PDE1A: variants seen among roughly 807,000 people sequenced by gnomAD.
PDE1A encodes dual specificity calcium/calmodulin-dependent 3',5'-cyclic nucleotide phosphodiesterase 1A.
Under a neutral mutation model 61.7 loss-of-function variants are expected in PDE1A, and 35 were observed. The observed-to-expected ratio is 0.57, with a 90% CI of 0.43 to 0.75. The LOEUF (loss-of-function observed/expected upper bound fraction) is 0.75, where lower values mean the gene tolerates loss of function less well. PDE1A is among the 30% of genes least tolerant of loss of function. The pLI is 0.00. For synonymous variants in PDE1A, 232 were observed against 213.2 expected (o/e 1.09, Z -0.77); for missense variants, 597 against 630.6 (o/e 0.95, Z 0.57).
chr2:182,210,673 A>C (rs1394076722), intron 7 of PDE1A, among the ~76,000 whole-genome samples: 2 of 152,078 alleles, frequency 1.3e-5, no homozygotes, highest in Non-Finnish European at 2.9e-5. Flanking sequence ...CAACTTATCA[A>C]TTTATTATTT....
intron 1 of PDE1A, among the ~76,000 whole-genome samples, chr2:182,317,358 C>T (rs553330870): frequency 7.9e-5 from 12 of 151,964 alleles, no homozygotes; most frequent in South Asian, 2.1e-4. Context: ...CTACCATCAT[C>T]CACCTTAAAG....
intron 1 of PDE1A, among the ~76,000 whole-genome samples, chr2:182,376,889 T>G (rs1039096506): frequency 6.6e-6 from 1 of 152,138 alleles, no homozygotes; most frequent in African/African-American, 2.4e-5. Flanking sequence ...GATACAAAAG[T>G]GGAAACACCT....
At chr2:182,271,220 T>A (rs1167864657) in intron 1 of PDE1A, among the ~76,000 whole-genome samples, 1 of 149,360 alleles carries the variant, frequency 6.7e-6, no homozygotes, top group Non-Finnish European at 1.5e-5. Flanking sequence ...TGTGAAATGA[T>A]GGATATGTTA....
chr2:182,659,787 T>A, the PDE1A span, among the ~76,000 whole-genome samples: 1 of 152,196 alleles, frequency 6.6e-6, no homozygotes, highest in African/African-American at 2.4e-5. Flanking sequence ...TTGTAAACTA[T>A]AAATGTAGGT....
chr2:182,625,490 C>G, the PDE1A span, among the ~76,000 whole-genome samples: 1 of 152,162 alleles, frequency 6.6e-6, no homozygotes, highest in Non-Finnish European at 1.5e-5. Context: ...GGGCACTTGC[C>G]TACATGCAGA....
At chr2:182,642,606 GGTT>G in the PDE1A span, among the ~76,000 whole-genome samples, 1 of 152,124 alleles carries the variant, frequency 6.6e-6, no homozygotes, top group African/African-American at 2.4e-5. Context: ...AGGCCACACC[GGTT>G]GTTATGAAAT....
At chr2:182,396,354 C>T (rs1280081581) in intron 1 of PDE1A, among the ~76,000 whole-genome samples, 2 of 152,150 alleles carry the variant, frequency 1.3e-5, no homozygotes, top group Non-Finnish European at 2.9e-5. Context: ...GGAGAAATGG[C>T]CAGATGTGCA....
the PDE1A span, among the ~76,000 whole-genome samples, chr2:182,660,009 T>A: frequency 6.6e-6 from 1 of 152,220 alleles, no homozygotes; most frequent in Non-Finnish European, 1.5e-5. Context: ...AACTTTACAA[T>A]AAGTTACCAA....
chr2:182,607,076 T>A, the PDE1A span, among the ~76,000 whole-genome samples: 1 of 151,844 alleles, frequency 6.6e-6, no homozygotes, highest in Non-Finnish European at 1.5e-5. Context: ...GATTTAGGGA[T>A]GAGTAAGGAA....
chr2:182,466,416 C>T (rs1483359523), intron 2 of PDE1A, among the ~76,000 whole-genome samples: 1 of 151,994 alleles, frequency 6.6e-6, no homozygotes, highest in African/African-American at 2.4e-5. Flanking sequence ...ATAACTTCTG[C>T]CACCTCTCTG....
chr2:182,221,481 C>T (rs1284199564), intron 7 of PDE1A, among the ~76,000 whole-genome samples: 1 of 151,960 alleles, frequency 6.6e-6, no homozygotes, highest in Non-Finnish European at 1.5e-5. Flanking sequence ...CAAATAAAAG[C>T]AAAAATCTCC....
intron 3 of PDE1A, among the ~76,000 whole-genome samples, chr2:182,237,913 G>C (rs942254590): frequency 1.3e-5 from 2 of 152,190 alleles, no homozygotes; most frequent in Non-Finnish European, 2.9e-5. Flanking sequence ...CTAGAAAGCA[G>C]AAAGGGACCT....
intron 3 of PDE1A, among the ~76,000 whole-genome samples, chr2:182,235,142 T>C (rs1170397719): frequency 6.6e-6 from 1 of 152,190 alleles, no homozygotes; most frequent in African/African-American, 2.4e-5. Context: ...TGTTTTTGTT[T>C]TGTGTTTCTT....
chr2:182,473,079 T>G (rs564553302), intron 2 of PDE1A, among the ~76,000 whole-genome samples: 1 of 151,904 alleles, frequency 6.6e-6, no homozygotes, highest in African/African-American at 2.4e-5. Flanking sequence ...TTATTTAGCA[T>G]TTAGCATTAG....
chr2:182,528,885 T>C, the PDE1A span, among the ~76,000 whole-genome samples: 1 of 152,190 alleles, frequency 6.6e-6, no homozygotes, highest in African/African-American at 2.4e-5. Context: ...AAATCAAGAA[T>C]TGAGGTTTGG....
chr2:182,595,344 T>C, the PDE1A span, among the ~76,000 whole-genome samples: 1 of 152,224 alleles, frequency 6.6e-6, no homozygotes. Flanking sequence ...TAAATCCTCC[T>C]CTGCTGATTG....
At chr2:182,295,361 T>C (rs1574278077) in intron 1 of PDE1A, among the ~76,000 whole-genome samples, 1 of 152,180 alleles carries the variant, frequency 6.6e-6, no homozygotes, top group East Asian at 1.9e-4. Context: ...ATCTTATCCC[T>C]ACTTTGTAAA....
At position 182,185,879 on chromosome 2, in the gene PDE1A, TAAAC is replaced by T. The variant is rs781081535; in HGVS notation, c.1516+9_1516+12del. On this transcript the variant is annotated intron_variant, in intron 13 of 13. Coordinates refer to ENST00000351439, the Ensembl canonical transcript of PDE1A. ...AGAGAGAGATGGCAGTAAGGCCTCA[TAAAC>T]AACACTACCTTGTGCAGCTAACTCT... 1 of 1,613,638 alleles carries T rather than the reference TAAAC, an allele frequency of 6.2e-7. No homozygotes were observed. The highest frequency in any genetic ancestry group is 1.3e-5 in the African/African-American group (1 of 75,030).
At chr2:182,278,940 A>G (rs547079861) in intron 1 of PDE1A, among the ~76,000 whole-genome samples, 3 of 151,552 alleles carry the variant, frequency 2.0e-5, no homozygotes, top group Non-Finnish European at 4.4e-5. Flanking sequence ...TAAAAGCTTA[A>G]AGTTTAAATT....
Sources: gnomAD v4.1 joint callset for allele counts (sites outside exome capture counted in the v4.1 genomes callset) on GRCh38, gnomAD v4.1.1 for gene constraint, MANE v1.5 for transcripts, NCBI Gene and HGNC (gene_info 2026-07-23, HGNC 2026-07-21) for gene names.